CERKL: variants seen among roughly 807,000 people sequenced by gnomAD.
CERKL encodes ceramide kinase-like protein.
A neutral mutation model predicts 63.4 loss-of-function variants in CERKL; 61 were observed. That is an observed-to-expected ratio of 0.96 (90% CI 0.78 to 1.19). CERKL has a LOEUF of 1.19. Ranked by LOEUF, CERKL falls within the 50% of genes most tolerant of loss-of-function variation. The probability of loss-of-function intolerance (pLI) is 0.00; values close to 1 mark genes in which losing one functional copy is unlikely to be tolerated. For missense variants in CERKL, 675 were observed against 655.5 expected, an observed-to-expected ratio of 1.03 and a Z score of -0.33; for synonymous variants, 250 against 230.5, an observed-to-expected ratio of 1.08 and a Z score of -0.77.
intron 4 of CERKL, among the ~76,000 whole-genome samples, chr2:181,565,108 C>A (rs911707551): frequency 4.6e-5 from 7 of 152,090 alleles, no homozygotes; most frequent in African/African-American, 1.7e-4. Flanking sequence ...TGAAAAACAG[C>A]CCTGCCAATA....
intron 2 of CERKL, among the ~76,000 whole-genome samples, chr2:181,602,079 T>C (rs1439586203): frequency 6.6e-6 from 1 of 152,224 alleles, no homozygotes; most frequent in African/African-American, 2.4e-5. Context: ...TTTTTTGTTG[T>C]TGTTTTTGTT....
intron 1 of CERKL, among the ~76,000 whole-genome samples, chr2:181,626,854 G>A (rs1357224447): frequency 6.6e-6 from 1 of 152,210 alleles, no homozygotes; most frequent in Non-Finnish European, 1.5e-5. Context: ...CTTTGGATTA[G>A]GGATCTCCAG....
At chr2:181,556,113 A>C (rs937341250) in intron 5 of CERKL, among the ~76,000 whole-genome samples, 8 of 152,036 alleles carry the variant, frequency 5.3e-5, no homozygotes, top group Non-Finnish European at 1.0e-4. Flanking sequence ...CCCAAAGTCA[A>C]GTACCAAACT....
chr2:181,547,573 G>T, intron 10 of CERKL, 45 bp downstream of exon 10: 1 of 1,511,844 alleles, frequency 6.6e-7, no homozygotes. Context: ...AAAAAAAATG[G>T]TCTATAAGAA....
intron 10 of CERKL, among the ~76,000 whole-genome samples, chr2:181,546,939 GGA>G (rs1687750063): frequency 6.6e-6 from 1 of 152,114 alleles, no homozygotes; most frequent in Admixed American, 6.5e-5. Context: ...ATGTGTTGTG[GGA>G]GAGACCTGGT....
chr2:181,566,410 T>A (rs1207123512), intron 3 of CERKL, among the ~76,000 whole-genome samples: 2 of 152,282 alleles, frequency 1.3e-5, no homozygotes, highest in Non-Finnish European at 2.9e-5. Flanking sequence ...CTGTTTAGTA[T>A]TCCCTAAATA....
chr2:181,568,977 G>A (rs1688788112), intron 3 of CERKL, among the ~76,000 whole-genome samples: 1 of 151,894 alleles, frequency 6.6e-6, no homozygotes, highest in African/African-American at 2.4e-5. Flanking sequence ...TAACAGTTCT[G>A]GTCCCAAGCC....
At chr2:181,548,425 A>G in intron 8 of CERKL, 120 bp downstream of exon 8, 2 of 790,156 alleles carry the variant, frequency 2.5e-6, no homozygotes. Flanking sequence ...CTGTGATTCT[A>G]TATTCTTTAC....
chr2:181,538,064 GA>G lies in CERKL; in HGVS notation c.*119del. On this transcript the variant is annotated 3_prime_UTR_variant, in exon 13 of 13. Transcript: ENST00000410087. ...TCCTGAAACCATTCCCCCATCCACG[GA>G]AAAATTGTCTTCCATGAAACTGGTC... 1.4e-6 allele frequency: 1 copy of G among 722,138 alleles called. No homozygotes were observed. Among genetic ancestry groups the G allele is most frequent in the Non-Finnish European group, 2.6e-6 (1 of 391,706 alleles). 44.7% of individuals were successfully genotyped at this position (722,138 alleles called of 1,614,324 possible). A position where few individuals can be genotyped will look rare whatever the true frequency, so the allele number is the denominator to read the frequency against.
chr2:181,572,704 T>A (rs971495071), intron 3 of CERKL, among the ~76,000 whole-genome samples: 1 of 151,936 alleles, frequency 6.6e-6, no homozygotes, highest in Admixed American at 6.6e-5. Flanking sequence ...TCCTCTTGAG[T>A]TTTTCATGGT....
chr2:181,620,647 G>A (rs949951198), intron 1 of CERKL, among the ~76,000 whole-genome samples: 16 of 152,118 alleles, frequency 1.1e-4, no homozygotes, highest in African/African-American at 3.4e-4. Flanking sequence ...AGTGGTCCTA[G>A]GACCAGGAAA....
At chr2:181,639,816 A>G (rs148550965) in intron 1 of CERKL, among the ~76,000 whole-genome samples, 144 of 152,324 alleles carry the variant, frequency 9.5e-4, no homozygotes, top group African/African-American at 3.2e-3. Flanking sequence ...TCTAGACTAC[A>G]TAGTTTCTTT....
At chr2:181,641,684 C>T (rs919783635) in intron 1 of CERKL, among the ~76,000 whole-genome samples, 8 of 152,278 alleles carry the variant, frequency 5.3e-5, no homozygotes, top group African/African-American at 1.9e-4. Context: ...ACATTTTCAA[C>T]TCTCCATGTG....
intron 3 of CERKL, among the ~76,000 whole-genome samples, chr2:181,573,514 ATTGT>A (rs561096825): frequency 6.6e-6 from 1 of 152,214 alleles, no homozygotes; most frequent in African/African-American, 2.4e-5. Flanking sequence ...ATATCTAACA[ATTGT>A]TTAAGTCTGA....
At chr2:181,622,707 A>G (rs1378988645) in intron 1 of CERKL, among the ~76,000 whole-genome samples, 1 of 152,206 alleles carries the variant, frequency 6.6e-6, no homozygotes, top group Non-Finnish European at 1.5e-5. Flanking sequence ...ATACTTCTGT[A>G]TTTCCCATTT....
Position 181,558,562 on chromosome 2 carries a change from T to C in CERKL, c.820+4A>G, listed in dbSNP as rs939349382. 1 of 1,613,344 alleles carries C rather than the reference T, an allele frequency of 6.2e-7. No individual in the cohort carries two copies. Among genetic ancestry groups the C allele is most frequent in the South Asian group, 1.1e-5 (1 of 91,056 alleles). ...GTTTAATGAATCTGTAGCCACTCCC[T>C]TGCCTGCTGGTATTAAGCCAAGTGG... On this transcript the variant is annotated splice_donor_region_variant and intron_variant, in intron 5 of 12. Transcript: ENST00000410087. The surrounding 1 kb of genome is among the most constrained non-coding windows in gnomAD (Gnocchi z 4.2).
intron 1 of CERKL, among the ~76,000 whole-genome samples, chr2:181,626,355 G>A (rs1033861560): frequency 2.2e-4 from 33 of 152,038 alleles, no homozygotes; most frequent in African/African-American, 5.8e-4. Context: ...CCAATATAGT[G>A]GAGTAACAAG....
At chr2:181,640,387 C>T (rs1287591949) in intron 1 of CERKL, among the ~76,000 whole-genome samples, 1 of 152,164 alleles carries the variant, frequency 6.6e-6, no homozygotes, top group African/African-American at 2.4e-5. Context: ...CTACCCCCGT[C>T]ATTGGCATAG....
intron 1 of CERKL, among the ~76,000 whole-genome samples, chr2:181,622,148 T>C (rs1686483514): frequency 6.6e-6 from 1 of 152,202 alleles, no homozygotes; most frequent in African/African-American, 2.4e-5. Context: ...AATCAGCATT[T>C]AATGAAAAAC....
Sources: allele counts gnomAD v4.1 joint callset (sites outside exome capture counted in the v4.1 genomes callset), GRCh38; gene constraint gnomAD v4.1.1; non-coding constraint Gnocchi (gnomAD v3.1); transcripts MANE v1.5; gene names NCBI Gene and HGNC (gene_info 2026-07-23, HGNC 2026-07-21).